Variants in PSD3 observed in about 807,000 individuals in gnomAD.
The protein encoded by PSD3 is pleckstrin and Sec7 domain containing 3.
PSD3 carries 49 observed loss-of-function variants against 105.5 expected under a neutral mutation model. The observed-to-expected ratio is 0.46, with a 90% CI of 0.37 to 0.59. The LOEUF (loss-of-function observed/expected upper bound fraction) is 0.59, where lower values mean the gene tolerates loss of function less well. PSD3 is among the 20% of genes least tolerant of loss of function. PSD3 has a pLI of 0.00. For missense variants in PSD3, 1,561 were observed against 1,263.8 expected, an observed-to-expected ratio of 1.24 and a Z score of -3.57; for synonymous variants, 557 against 457.8, an observed-to-expected ratio of 1.22 and a Z score of -2.77.
At chr8:18,899,805 T>C (rs1269740215) in intron 2 of PSD3, among the ~76,000 whole-genome samples, 1 of 152,174 alleles carries the variant, frequency 6.6e-6, no homozygotes, top group Non-Finnish European at 1.5e-5. Flanking sequence ...AAGATTGGTA[T>C]CTGTGTTTAT....
chr8:18,893,183 G>A (rs1818924029), intron 2 of PSD3, among the ~76,000 whole-genome samples: 1 of 152,146 alleles, frequency 6.6e-6, no homozygotes, highest in African/African-American at 2.4e-5. Flanking sequence ...CTTTCGCCAT[G>A]TACTGAGCCT....
At chr8:18,649,621 G>C (rs1011234357) in intron 10 of PSD3, among the ~76,000 whole-genome samples, 4 of 152,176 alleles carry the variant, frequency 2.6e-5, no homozygotes, top group Non-Finnish European at 2.9e-5. Context: ...TTTGCAATGT[G>C]AGAAGGACAT....
chr8:19,055,908 A>G (rs988118665), intron 1 of PSD3, among the ~76,000 whole-genome samples: 11 of 152,230 alleles, frequency 7.2e-5, no homozygotes, highest in African/African-American at 2.4e-4. Context: ...TTGCTGATGC[A>G]TATGTCAGGA....
chr8:19,078,354 A>G (rs1255939746), intron 1 of PSD3, among the ~76,000 whole-genome samples: 1 of 152,240 alleles, frequency 6.6e-6, no homozygotes, highest in African/African-American at 2.4e-5. Flanking sequence ...CCCAAAGTCT[A>G]TAACATGTAT....
At chr8:18,946,230 G>C (rs1055591146) in intron 1 of PSD3, among the ~76,000 whole-genome samples, 4 of 152,018 alleles carry the variant, frequency 2.6e-5, no homozygotes, top group African/African-American at 4.8e-5. Flanking sequence ...AGTTTATCTG[G>C]CAATAAAGAG....
At chr8:18,915,059 A>G (rs977578840) in intron 2 of PSD3, among the ~76,000 whole-genome samples, 3 of 151,262 alleles carry the variant, frequency 2.0e-5, no homozygotes, top group Non-Finnish European at 4.4e-5. Flanking sequence ...TTTATAGTCA[A>G]TTGATCTTTG....
chr8:18,560,197 C>A (rs1268601176), intron 14 of PSD3, among the ~76,000 whole-genome samples: 1 of 151,540 alleles, frequency 6.6e-6, no homozygotes, highest in Non-Finnish European at 1.5e-5. Flanking sequence ...CACACACACA[C>A]ACACACACAC....
intron 4 of PSD3, among the ~76,000 whole-genome samples, chr8:18,816,809 G>T (rs1423736608): frequency 6.6e-6 from 1 of 152,124 alleles, no homozygotes; most frequent in Non-Finnish European, 1.5e-5. Context: ...GTCTAATAAA[G>T]CATCAACAGA....
At chr8:18,595,160 T>A (rs1301685588) in intron 12 of PSD3, among the ~76,000 whole-genome samples, 2 of 151,530 alleles carry the variant, frequency 1.3e-5, no homozygotes, top group African/African-American at 4.9e-5. Flanking sequence ...GAAATCATTA[T>A]CAGCTTAAAA....
In PSD3 at chr8:18,806,009, C is replaced by T. The variant is rs543343301; in HGVS notation, c.1635-1111G>A. Among the ~76,000 whole-genome samples, 41 of 152,222 alleles carry T rather than the reference C, an allele frequency of 2.7e-4. 1 individual carries two copies. Among genetic ancestry groups the T allele is most frequent in the Admixed American group, 2.2e-3 (33 of 15,292 alleles). On this transcript the variant is annotated intron_variant, in intron 4 of 15. Coordinates refer to ENST00000327040, the MANE Select transcript of PSD3 (RefSeq NM_015310.4). Reference sequence around the variant, plus strand: ...TTTTAGCCCCAACTTAAATGACAGACGAATGTTTTTCCTGGAGACTACCAG... The same window carrying T: ...TTTTAGCCCCAACTTAAATGACAGATGAATGTTTTTCCTGGAGACTACCAG...
At chr8:18,892,924 C>T (rs1009689835) in intron 2 of PSD3, among the ~76,000 whole-genome samples, 1 of 152,032 alleles carries the variant, frequency 6.6e-6, no homozygotes, top group African/African-American at 2.4e-5. Flanking sequence ...CGTGCCCAGC[C>T]CCTAAGTAAA....
chr8:18,994,799 C>T (rs1825986444), intron 1 of PSD3, among the ~76,000 whole-genome samples: 1 of 151,124 alleles, frequency 6.6e-6, no homozygotes, highest in South Asian at 2.1e-4. Flanking sequence ...TACAGAAGAT[C>T]CTAAAAAGTA....
intron 2 of PSD3, among the ~76,000 whole-genome samples, chr8:18,905,618 G>A (rs953970008): frequency 1.1e-4 from 17 of 152,168 alleles, no homozygotes; most frequent in Middle Eastern, 3.4e-3. Context: ...CACCACACCC[G>A]GCCTCTTCTT....
intron 9 of PSD3, among the ~76,000 whole-genome samples, chr8:18,672,018 C>A (rs902408455): frequency 6.6e-6 from 1 of 152,110 alleles, no homozygotes; most frequent in Non-Finnish European, 1.5e-5. Context: ...GACAGCTAAA[C>A]CATATCAGTG....
In PSD3 at chr8:18,767,575, G is replaced by A. The variant is rs555849618; in HGVS notation, c.2083-2037C>T. Among the ~76,000 whole-genome samples the A allele has an allele frequency of 7.9e-5, 12 of 151,950 alleles. 1 individual carries two copies. Among genetic ancestry groups the A allele is most frequent in the Admixed American group, 1.3e-4 (2 of 15,258 alleles). On this transcript the variant is annotated intron_variant, in intron 8 of 15. Coordinates refer to ENST00000327040, the MANE Select transcript of PSD3 (RefSeq NM_015310.4). Reference sequence around the variant, plus strand: ...AGCCTGCTCAACATGGTGAAACCCCGTCTCTACTGAAAAATACATAAATTA... The same window carrying A: ...AGCCTGCTCAACATGGTGAAACCCCATCTCTACTGAAAAATACATAAATTA...
chr8:18,843,813 G>A (rs1814849792), intron 4 of PSD3, among the ~76,000 whole-genome samples: 1 of 152,040 alleles, frequency 6.6e-6, no homozygotes, highest in Admixed American at 6.5e-5. Flanking sequence ...TGCACTTACT[G>A]GTTCCAGGTA....
At chr8:18,760,640 T>C (rs1266097579) in intron 9 of PSD3, among the ~76,000 whole-genome samples, 1 of 152,266 alleles carries the variant, frequency 6.6e-6, no homozygotes, top group African/African-American at 2.4e-5. Context: ...CGTCTGCTGA[T>C]GAACATTTAG....
intron 11 of PSD3, among the ~76,000 whole-genome samples, chr8:18,616,716 C>T (rs1391558625): frequency 2.7e-5 from 4 of 147,322 alleles, no homozygotes; most frequent in African/African-American, 5.0e-5. Flanking sequence ...CTCCGCCTCC[C>T]GGGTTCACGC....
chr8:18,963,844 C>T (rs989276100), intron 1 of PSD3, among the ~76,000 whole-genome samples: 3 of 152,146 alleles, frequency 2.0e-5, no homozygotes, highest in Non-Finnish European at 2.9e-5. Flanking sequence ...AGGTATAATG[C>T]TTGCCCAAAC....
Sources: gnomAD v4.1 joint callset for allele counts (sites outside exome capture counted in the v4.1 genomes callset) on GRCh38, gnomAD v4.1.1 for gene constraint, MANE v1.5 for transcripts, NCBI Gene and HGNC (gene_info 2026-07-23, HGNC 2026-07-21) for gene names.